The following CADM2 variants were observed in gnomAD, a reference collection of about 807,000 sequenced individuals.
CADM2 encodes cell adhesion molecule 2.
In CADM2, 12 loss-of-function variants were observed where a neutral mutation model predicts 49.8. That is an observed-to-expected ratio of 0.24 (90% CI 0.15 to 0.39). CADM2 has a LOEUF of 0.39. Among genes scored for constraint, CADM2 ranks in the 10% least tolerant of loss-of-function variants. The pLI is 1.00. For missense variants in CADM2, 378 were observed against 492.3 expected (o/e 0.77, Z 2.20); for synonymous variants, 214 against 175.4 (o/e 1.22, Z -1.74).
At chr3:85,456,872 T>G (rs1196185833) in intron 1 of CADM2, among the ~76,000 whole-genome samples, 1 of 151,940 alleles carries the variant, frequency 6.6e-6, no homozygotes, top group African/African-American at 2.4e-5. Context: ...TTTTTAGATC[T>G]TTCTACAATA....
chr3:85,941,924 A>G (rs757005468), intron 7 of CADM2, among the ~76,000 whole-genome samples: 1 of 152,106 alleles, frequency 6.6e-6, no homozygotes, highest in Non-Finnish European at 1.5e-5. Context: ...AAATCACACA[A>G]CTATTACATT....
At chr3:85,775,760 T>C (rs1171559850) in intron 2 of CADM2, among the ~76,000 whole-genome samples, 5 of 151,806 alleles carry the variant, frequency 3.3e-5, no homozygotes, top group Non-Finnish European at 4.4e-5. Context: ...CTTACTGATA[T>C]GAAAAAGGAA....
chr3:85,796,856 A>G (rs1342970158), intron 2 of CADM2, among the ~76,000 whole-genome samples: 1 of 152,056 alleles, frequency 6.6e-6, no homozygotes, highest in Non-Finnish European at 1.5e-5. Flanking sequence ...CAGCACTTTA[A>G]GAGGCCAAGA....
chr3:84,975,970 A>C (rs1173990981), intron 1 of CADM2, among the ~76,000 whole-genome samples: 1 of 151,914 alleles, frequency 6.6e-6, no homozygotes, highest in African/African-American at 2.4e-5. Flanking sequence ...TTTATTCACA[A>C]GGATGCCTTC....
intron 1 of CADM2, among the ~76,000 whole-genome samples, chr3:85,354,871 A>G (rs1576406087): frequency 6.6e-6 from 1 of 152,058 alleles, no homozygotes; most frequent in Non-Finnish European, 1.5e-5. Context: ...ATGGCCAAAT[A>G]TACATATTTA....
At chr3:85,262,202 C>T (rs113180811) in intron 1 of CADM2, among the ~76,000 whole-genome samples, 4 of 152,018 alleles carry the variant, frequency 2.6e-5, no homozygotes, top group African/African-American at 9.7e-5. Context: ...TCAAGTGAGG[C>T]CTAATTTCTC....
At chr3:85,534,257 C>T (rs769726078) in intron 1 of CADM2, among the ~76,000 whole-genome samples, 3 of 152,084 alleles carry the variant, frequency 2.0e-5, no homozygotes, top group African/African-American at 7.2e-5. Flanking sequence ...TCATATGAAA[C>T]CATCTAAGAC....
chr3:85,704,575 A>C (rs531880337), intron 1 of CADM2, among the ~76,000 whole-genome samples: 1 of 152,134 alleles, frequency 6.6e-6, no homozygotes, highest in Non-Finnish European at 1.5e-5. Flanking sequence ...TAAGGGCACT[A>C]ATTCTGTTCA....
At position 85,232,427 on chromosome 3, in the gene CADM2, T is replaced by C. The variant is rs190031112; in HGVS notation, c.61+272759T>C. Among the ~76,000 whole-genome samples the C allele has an allele frequency of 6.6e-5, 10 of 152,214 alleles. No individual in the cohort carries two copies. In the East Asian group the frequency reaches 1.9e-3, roughly 30 times the overall value. On this transcript the variant is annotated intron_variant, in intron 1 of 9. Coordinates refer to ENST00000383699, the MANE Select transcript of CADM2 (RefSeq NM_001167675.2). Reference sequence around the variant, plus strand: ...TCTTATTTGTTCCTGGCTAATCAGATCTTCTTTTTGTACTCCTTTGTAAAC... The same window carrying C: ...TCTTATTTGTTCCTGGCTAATCAGACCTTCTTTTTGTACTCCTTTGTAAAC...
chr3:85,058,066 T>C (rs1309704353), intron 1 of CADM2, among the ~76,000 whole-genome samples: 2 of 152,216 alleles, frequency 1.3e-5, no homozygotes, highest in Admixed American at 6.5e-5. Flanking sequence ...ATTCTTTGAA[T>C]GGAATTATTA....
chr3:85,448,965 G>T (rs191235051), intron 1 of CADM2, among the ~76,000 whole-genome samples: 249 of 151,280 alleles, frequency 1.6e-3, no homozygotes, highest in African/African-American at 5.6e-3. Flanking sequence ...CAGGACAATC[G>T]CTTGAACCCG....
At chr3:85,626,696 T>C (rs1398717920) in intron 1 of CADM2, among the ~76,000 whole-genome samples, 2 of 152,104 alleles carry the variant, frequency 1.3e-5, no homozygotes, top group Non-Finnish European at 2.9e-5. Flanking sequence ...GCAGCAAATG[T>C]AATTATTACT....
At chr3:85,911,197 T>G (rs1423133558) in intron 5 of CADM2, among the ~76,000 whole-genome samples, 1 of 152,154 alleles carries the variant, frequency 6.6e-6, no homozygotes, top group African/African-American at 2.4e-5. Context: ...ATCAACTACA[T>G]TTAAGATCTT....
chr3:85,182,712 C>T (rs1429830327), intron 1 of CADM2, among the ~76,000 whole-genome samples: 1 of 152,022 alleles, frequency 6.6e-6, no homozygotes, highest in African/African-American at 2.4e-5. Flanking sequence ...TTGCATGTCT[C>T]TTGTAAATCC....
intron 1 of CADM2, among the ~76,000 whole-genome samples, chr3:85,132,882 T>C (rs2107612589): frequency 6.6e-6 from 1 of 152,322 alleles, no homozygotes; most frequent in East Asian, 1.9e-4. Flanking sequence ...ACTTCAAGAA[T>C]GAAGCCGCGG....
chr3:85,972,041 T>C (rs556023930), intron 8 of CADM2, among the ~76,000 whole-genome samples: 1 of 151,764 alleles, frequency 6.6e-6, no homozygotes, highest in Non-Finnish European at 1.5e-5. Flanking sequence ...GGGGTTACTA[T>C]ATGACTGTTG....
At chr3:85,591,688 GAAT>G (rs2063112939) in intron 1 of CADM2, among the ~76,000 whole-genome samples, 3 of 151,990 alleles carry the variant, frequency 2.0e-5, no homozygotes, top group African/African-American at 7.2e-5. Context: ...CACCAAGAGA[GAAT>G]AATTTTTCAG....
chr3:85,798,234 T>C (rs2108058167), intron 2 of CADM2, among the ~76,000 whole-genome samples: 1 of 152,310 alleles, frequency 6.6e-6, no homozygotes, highest in South Asian at 2.1e-4. Context: ...TTCACTCTGA[T>C]GATAGTTTCT....
At chr3:85,841,177 T>A (rs549750320) in intron 3 of CADM2, among the ~76,000 whole-genome samples, 1 of 151,980 alleles carries the variant, frequency 6.6e-6, no homozygotes, top group South Asian at 2.1e-4. Flanking sequence ...AGATAGAAAT[T>A]TGACAATTTC....
Sources: gnomAD v4.1 joint callset for allele counts (sites outside exome capture counted in the v4.1 genomes callset) on GRCh38, gnomAD v4.1.1 for gene constraint, MANE v1.5 for transcripts, NCBI Gene and HGNC (gene_info 2026-07-23, HGNC 2026-07-21) for gene names.